Variants in CBFA2T2 observed in about 807,000 individuals in gnomAD.
CBFA2T2 encodes the protein CBFA2/RUNX1 partner transcriptional co-repressor 2, also known as protein CBFA2T2.
In CBFA2T2, 11 loss-of-function variants were observed where a neutral mutation model predicts 62.2. The ratio of observed to expected loss-of-function variants is 0.18; its 90% CI spans 0.11 to 0.29. The LOEUF is 0.29. Among genes scored for constraint, CBFA2T2 ranks in the 10% least tolerant of loss-of-function variants. The probability of loss-of-function intolerance (pLI) is 1.00; values close to 1 mark genes in which losing one functional copy is unlikely to be tolerated. For missense variants in CBFA2T2, 592 were observed against 774.1 expected, an observed-to-expected ratio of 0.76 and a Z score of 2.79; for synonymous variants, 295 against 287.5, an observed-to-expected ratio of 1.03 and a Z score of -0.27.
At chr20:33,500,556 A>G (rs2011261939) in intron 1 of CBFA2T2, among the ~76,000 whole-genome samples, 1 of 152,052 alleles carries the variant, frequency 6.6e-6, no homozygotes, top group African/African-American at 2.4e-5. Flanking sequence ...ATAAAAATAC[A>G]AAATTATTCA....
At chr20:33,545,709 A>G (rs1308426948) in intron 1 of CBFA2T2, among the ~76,000 whole-genome samples, 1 of 152,198 alleles carries the variant, frequency 6.6e-6, no homozygotes, top group Non-Finnish European at 1.5e-5. Flanking sequence ...TGGCCTCCCA[A>G]AATGCTGGGA....
chr20:33,532,879 TCTG>T (rs747014564), intron 1 of CBFA2T2, among the ~76,000 whole-genome samples: 2 of 152,228 alleles, frequency 1.3e-5, no homozygotes, highest in African/African-American at 2.4e-5. Context: ...TGTGCTGTCT[TCTG>T]CTGTTTCTCA....
intron 1 of CBFA2T2, among the ~76,000 whole-genome samples, chr20:33,536,841 A>C (rs2012261358): frequency 7.0e-6 from 1 of 143,580 alleles, no homozygotes; most frequent in South Asian, 2.2e-4. Context: ...CTCACTTCCT[A>C]GATGGGATGG....
intron 1 of CBFA2T2, among the ~76,000 whole-genome samples, chr20:33,586,377 G>A (rs964324697): frequency 2.0e-5 from 3 of 151,940 alleles, no homozygotes; most frequent in Admixed American, 6.6e-5. Context: ...CTCATGATCC[G>A]CTCGCCTCAG....
intron 1 of CBFA2T2, among the ~76,000 whole-genome samples, chr20:33,605,124 G>A (rs1210021094): frequency 2.0e-5 from 3 of 152,168 alleles, no homozygotes; most frequent in African/African-American, 7.2e-5. Flanking sequence ...CCCAAGTGTG[G>A]CCACTGCAAA....
At position 33,647,473 on chromosome 20, in the gene CBFA2T2, G is replaced by C. The variant is rs2017093201; in HGVS notation, c.*2827G>C. ...CTAATTTTGTATTTTTAGTAGAGAC[G>C]GGGTTTCTCCTTGTTGGTCAGGCTG... On this transcript the variant is annotated 3_prime_UTR_variant, in exon 11 of 11. Transcript: ENST00000342704. The C allele has an allele frequency of 6.6e-6, 1 of 152,060 alleles. No individual in the cohort carries two copies. The highest frequency in any genetic ancestry group is 2.4e-5 in the African/African-American group (1 of 41,372). The allele number at this position is 152,060 out of a possible 1,614,324, so 9.4% of individuals were successfully genotyped here.
chr20:33,592,161 G>A (rs1237647879), intron 1 of CBFA2T2, among the ~76,000 whole-genome samples: 4 of 151,992 alleles, frequency 2.6e-5, no homozygotes, highest in Admixed American at 2.6e-4. Context: ...TCAGGAGTTT[G>A]AGACCAGCCT....
chr20:33,524,247 A>C (rs757331157), intron 1 of CBFA2T2, among the ~76,000 whole-genome samples: 1 of 152,150 alleles, frequency 6.6e-6, no homozygotes, highest in Non-Finnish European at 1.5e-5. Flanking sequence ...AAGAAAATCA[A>C]CACTGATTGT....
chr20:33,506,813 G>A (rs1342671249), intron 1 of CBFA2T2, among the ~76,000 whole-genome samples: 1 of 152,162 alleles, frequency 6.6e-6, no homozygotes, highest in African/African-American at 2.4e-5. Flanking sequence ...TGCAGCTGTG[G>A]AGAGCAACAC....
intron 1 of CBFA2T2, among the ~76,000 whole-genome samples, chr20:33,587,714 A>G (rs1287148612): frequency 6.6e-6 from 1 of 152,208 alleles, no homozygotes; most frequent in East Asian, 1.9e-4. Context: ...CCCAGTTTTA[A>G]TTATATTTTC....
At chr20:33,521,850 CTTGG>C (rs1374803713) in intron 1 of CBFA2T2, among the ~76,000 whole-genome samples, 1 of 150,396 alleles carries the variant, frequency 6.6e-6, no homozygotes, top group Non-Finnish European at 1.5e-5. Flanking sequence ...GTGTGTGTTT[CTTGG>C]TTGGCATTGA....
chr20:33,527,959 A>C (rs2011936397), intron 1 of CBFA2T2, among the ~76,000 whole-genome samples: 2 of 152,074 alleles, frequency 1.3e-5, no homozygotes, highest in African/African-American at 4.8e-5. Flanking sequence ...TTCTGGGCTC[A>C]AGCAGTCTTC....
chr20:33,491,152 T>G (rs1258699861), intron 1 of CBFA2T2, among the ~76,000 whole-genome samples: 3 of 152,172 alleles, frequency 2.0e-5, no homozygotes, highest in Non-Finnish European at 4.4e-5. Flanking sequence ...ACAATAAAAT[T>G]TTAATTGTTT....
intron 1 of CBFA2T2, among the ~76,000 whole-genome samples, chr20:33,585,976 A>C (rs1320108335): frequency 6.6e-6 from 1 of 152,186 alleles, no homozygotes; most frequent in Non-Finnish European, 1.5e-5. Context: ...CTGTAGAAGA[A>C]AAATAGTGAT....
At chr20:33,497,468 T>G (rs1245611074) in intron 1 of CBFA2T2, among the ~76,000 whole-genome samples, 1 of 151,892 alleles carries the variant, frequency 6.6e-6, no homozygotes, top group African/African-American at 2.4e-5. Flanking sequence ...AGTTCCATTA[T>G]TAAACCCTCC....
At chr20:33,640,893 A>G (rs943517500) in intron 10 of CBFA2T2, among the ~76,000 whole-genome samples, 1 of 152,140 alleles carries the variant, frequency 6.6e-6, no homozygotes, top group African/African-American at 2.4e-5. Context: ...ACACCCAGCA[A>G]AGTTGTATAT....
chr20:33,491,035 A>G (rs2011142973), intron 1 of CBFA2T2, among the ~76,000 whole-genome samples: 1 of 152,202 alleles, frequency 6.6e-6, no homozygotes, highest in Non-Finnish European at 1.5e-5. Flanking sequence ...GTCCTGCTCC[A>G]TGATCTAATT....
At chr20:33,535,514 C>G (rs1008819089) in intron 1 of CBFA2T2, among the ~76,000 whole-genome samples, 1 of 150,890 alleles carries the variant, frequency 6.6e-6, no homozygotes, top group East Asian at 1.9e-4. Flanking sequence ...TGCTAAGAAC[C>G]AGCTCAGTGG....
At chr20:33,640,560 G>A in intron 10 of CBFA2T2, 29 bp downstream of exon 10, 1 of 1,609,844 alleles carries the variant, frequency 6.2e-7, no homozygotes, top group Non-Finnish European at 8.5e-7. Flanking sequence ...GGGGGCTGGG[G>A]TGAGCAGCTG....
Sources: allele counts gnomAD v4.1 joint callset (sites outside exome capture counted in the v4.1 genomes callset), GRCh38; gene constraint gnomAD v4.1.1; transcripts MANE v1.5; gene names NCBI Gene and HGNC (gene_info 2026-07-23, HGNC 2026-07-21).